Variants in LAMA5 observed in about 807,000 individuals in gnomAD.
The protein encoded by LAMA5 is laminin subunit alpha-5.
Under a neutral mutation model 433.4 loss-of-function variants are expected in LAMA5, and 260 were observed. The observed-to-expected ratio is 0.60, with a 90% confidence interval of 0.54 to 0.66. LAMA5 has a LOEUF of 0.66. LAMA5 is among the 30% of genes least tolerant of loss of function. The pLI, the probability that LAMA5 is intolerant of heterozygous loss-of-function variation, is 0.00. For missense variants in LAMA5, 5,378 were observed against 5,258.5 expected (o/e 1.02, Z -0.70); for synonymous variants, 2,620 against 2,226.6 (o/e 1.18, Z -4.97).
Position 62,352,026 on chromosome 20 carries a change from C to T in LAMA5, c.741G>A (p.Ser247=), listed in dbSNP as rs751722759. ...CCTTGGTGAACTCACGTAGCAGCGG[C>T]GAGTAGGAGAAATTCATGGCGCCCG... ...GRPGAMNFSY[S]PLLREFTKAT... is the part of the protein sequence containing the mutation. The change falls in exon 5 of 80, where the codon TCG becomes TCA. Residue 247 remains serine, a synonymous_variant. Coordinates refer to ENST00000252999, the MANE Select transcript of LAMA5 (RefSeq NM_005560.6). The T allele has an allele frequency of 5.0e-5, 80 of 1,612,526 alleles. No homozygotes were observed. Among genetic ancestry groups the T allele is most frequent in the Admixed American group, 1.3e-4 (8 of 59,996 alleles).
chr20:62,362,447 G>GGGACA lies in LAMA5; in HGVS notation c.398_402dup (p.Arg135CysfsTer103). 1 of 1,590,910 alleles carries GGGACA rather than the reference G, an allele frequency of 6.3e-7. No homozygotes were observed. Among genetic ancestry groups the GGGACA allele is most frequent in the Non-Finnish European group, 8.6e-7 (1 of 1,165,858 alleles). On this transcript the variant is annotated frameshift_variant, in exon 2 of 80. Transcript: ENST00000252999. LOFTEE classifies it high-confidence loss of function. ...TTGACCTCGTTGTACTCCAGGCCGC[G>GGGACA]GGACAGCGGTGGACTCTGCCACCAG...
At chr20:62,311,816 T>TTGGGGC in intron 70 of LAMA5, 32 bp from the exon 71 acceptor site, 21 of 1,520,840 alleles carry the variant, frequency 1.4e-5, no homozygotes, top group Non-Finnish European at 1.8e-5. Context: ...GCTCGGTTTT[T>TTGGGGC]CCCCACCCTG....
chr20:62,323,994 G>T, intron 43 of LAMA5, 86 bp downstream of exon 43: 1 of 1,425,162 alleles, frequency 7.0e-7, no homozygotes, highest in Non-Finnish European at 9.3e-7. Context: ...CCAGGCCTCT[G>T]CAGAGGGCAG....
At position 62,315,213 on chromosome 20, in the gene LAMA5, G is replaced by A. The variant is rs750031266; in HGVS notation, c.7868-6C>T. 5 of 1,598,882 alleles carry A rather than the reference G, an allele frequency of 3.1e-6. No homozygotes were observed. The African/African-American group carries it at 4.0e-5, about 13-fold the overall frequency. On this transcript the variant is annotated splice_region_variant and splice_polypyrimidine_tract_variant and intron_variant, in intron 58 of 79. Transcript: ENST00000252999. ...GATCTTCTTGCTTGTCTCGTCTGTG[G>A]TGGGCAGAGGGCAGGCTCAGCAGGG...
chr20:62,327,404 G>A lies in LAMA5; in HGVS notation c.4941C>T (p.Phe1647=), dbSNP rs113185894. The part of the protein sequence containing the change: ...CRSSSYTRQE[F]VDMEGWVLLS... ...GCAGCACCCATCCCTCCATATCCAC[G>A]AACTGTGGGCACACACGTGTGGCTG... The change falls in exon 38 of 80, where the codon TTC becomes TTT. Residue 1647 remains phenylalanine (F), a splice_region_variant and synonymous_variant. Transcript: ENST00000252999. 55 of 1,586,808 alleles carry A rather than the reference G, an allele frequency of 3.5e-5. No homozygotes were observed. The African/African-American group carries it at 4.2e-4, about 12-fold the overall frequency.
chr20:62,332,428 G>C lies in LAMA5; in HGVS notation c.3496C>G (p.His1166Asp), dbSNP rs985240216. The change falls in exon 28 of 80, where the codon CAC becomes GAC. Residue 1166 changes from histidine (H) to aspartate (D), a missense_variant. Transcript: ENST00000252999. Reference sequence around the variant, plus strand: ...CTCACGCTGGCCTCCGAGTCCAGGTGGAAGACAGCCAGGTGGTCCTGGGTA... The same window carrying C: ...CTCACGCTGGCCTCCGAGTCCAGGTCGAAGACAGCCAGGTGGTCCTGGGTA... Reference protein sequence around the residue: ...RDTQDHLAVFHLDSEASVRLT... With the variant: ...RDTQDHLAVFDLDSEASVRLT... The C allele has an allele frequency of 6.2e-7, 1 of 1,612,834 alleles. No homozygotes were observed. The highest frequency in any genetic ancestry group is 8.5e-7 in the Non-Finnish European group (1 of 1,179,972).
intron 45 of LAMA5, 76 bp from the exon 46 acceptor site, chr20:62,322,834 C>T (rs1978529406): frequency 1.2e-5 from 11 of 925,662 alleles, no homozygotes; most frequent in Non-Finnish European, 1.4e-5. Flanking sequence ...CTCCTAAGCC[C>T]TCACTTCACT....
At position 62,312,708 on chromosome 20, in the gene LAMA5, C is replaced by A. The variant is rs149010216; in HGVS notation, c.9151G>T (p.Val3051Leu). ...AGCTCCAGATCATTGTCCTGCTCCA[C>A]GCTGTACACCGTGGCCCGCTCCACA... ...VRVERATVYSVEQDNDLELAD... is the reference protein window; with the variant it reads ...VRVERATVYSLEQDNDLELAD... Residue 3051 changes from valine to leucine, a missense_variant, in exon 67 of 80, where the codon GTG (valine) becomes TTG (leucine). Transcript: ENST00000252999. 5.0e-6 allele frequency: 8 copies of A among 1,602,922 alleles called. No homozygotes were observed. In the African/African-American group the frequency reaches 9.4e-5, roughly 19 times the overall value.
rs541968080 is a variant in LAMA5 at position 62,333,825 on chromosome 20, C to T, written c.2878+76G>A. ...ACCCACATGAGCCAGAGGAAGGTGGCGGGGCTTGGGAGTGGGGTGGGGTGG... is the reference window on the plus strand; with the variant it reads ...ACCCACATGAGCCAGAGGAAGGTGGTGGGGCTTGGGAGTGGGGTGGGGTGG... On this transcript the variant is annotated intron_variant, in intron 23 of 79. Coordinates refer to ENST00000252999, the MANE Select transcript of LAMA5 (RefSeq NM_005560.6). 1.6e-5 allele frequency: 13 copies of T among 809,066 alleles called. No individual in the cohort carries two copies. In the African/African-American group the frequency reaches 4.6e-4, roughly 28 times the overall value. 50.1% of individuals were successfully genotyped at this position (809,066 alleles called of 1,614,324 possible). A position where few individuals can be genotyped will look rare whatever the true frequency, so the allele number is the denominator to read the frequency against.
Position 62,315,116 on chromosome 20 carries a change from C to A in LAMA5, c.7959G>T (p.Met2653Ile), listed in dbSNP as rs1050767676. 1.2e-6 allele frequency: 2 copies of A among 1,608,728 alleles called. No homozygotes were observed. Among genetic ancestry groups the A allele is most frequent in the Non-Finnish European group, 1.7e-6 (2 of 1,179,760 alleles). Reference sequence around the variant, plus strand: ...CCTGCCACCGCTCCACATTCTCCTGCATGGCCTGCAGCTGGGACTGCACAC... The same window carrying A: ...CCTGCCACCGCTCCACATTCTCCTGAATGGCCTGCAGCTGGGACTGCACAC... ...ATRVQSQLQA[M>I]QENVERWQGQ... The change falls in exon 59 of 80, where the codon ATG (methionine) becomes ATT (isoleucine). Residue 2653 changes from methionine to isoleucine, a missense_variant. Met to Ile is a conservative substitution (Grantham distance 10). Coordinates refer to ENST00000252999, the MANE Select transcript of LAMA5 (RefSeq NM_005560.6).
At chr20:62,341,622 G>T (rs1056101125) in intron 11 of LAMA5, among the ~76,000 whole-genome samples, 1 of 152,108 alleles carries the variant, frequency 6.6e-6, no homozygotes, top group African/African-American at 2.4e-5. Flanking sequence ...TGGGAATGAA[G>T]ACAGACTAAA....
At chr20:62,325,103 G>A (rs967809516) in intron 41 of LAMA5, 8 of 579,834 alleles carry the variant, frequency 1.4e-5, no homozygotes, top group Non-Finnish European at 2.4e-5. Context: ...GGCGGATGAG[G>A]GGCAGGCAGG....
intron 1 of LAMA5, among the ~76,000 whole-genome samples, chr20:62,365,634 C>T (rs1986635763): frequency 6.6e-6 from 1 of 152,174 alleles, no homozygotes; most frequent in Non-Finnish European, 1.5e-5. Context: ...AGTCACAGGC[C>T]CTCCGTCCTG....
Position 62,338,580 on chromosome 20 carries a change from C to T in LAMA5, c.1506G>A (p.Gln502=). ...VNCDCSAAGT[Q]GNACRKDPRV... ...TTGGGTCCTTCCGGCAGGCGTTGCCCTGGGTCCCTGCCGCGCTGCAGTCAC... is the reference window on the plus strand; with the variant it reads ...TTGGGTCCTTCCGGCAGGCGTTGCCTTGGGTCCCTGCCGCGCTGCAGTCAC... Residue 502 remains glutamine, a synonymous_variant, in exon 12 of 80, where the codon CAG becomes CAA. Transcript: ENST00000252999. 1 of 1,610,956 alleles carries T rather than the reference C, an allele frequency of 6.2e-7. No homozygotes were observed. The highest frequency in any genetic ancestry group is 8.5e-7 in the Non-Finnish European group (1 of 1,179,500).
chr20:62,337,772 G>C, intron 15 of LAMA5, 32 bp downstream of exon 15: 1 of 1,609,294 alleles, frequency 6.2e-7, no homozygotes, highest in East Asian at 2.2e-5. Flanking sequence ...GACTGCACCT[G>C]CCTCCCCACC....
At chr20:62,314,525 C>T (rs1367726355) in intron 61 of LAMA5, 30 bp downstream of exon 61, 10 of 1,605,040 alleles carry the variant, frequency 6.2e-6, no homozygotes, top group South Asian at 2.2e-5. Context: ...AGCCTGAGCT[C>T]GGGCCGCATC....
chr20:62,332,453 A>G lies in LAMA5; in HGVS notation c.3471T>C (p.Asp1157=), dbSNP rs1306355377. The G allele has an allele frequency of 6.2e-7, 1 of 1,612,520 alleles. No individual in the cohort carries two copies. The highest frequency in any genetic ancestry group is 1.3e-5 in the African/African-American group (1 of 74,930). Residue 1157 remains aspartate, a synonymous_variant, in exon 28 of 80, where the codon GAT becomes GAC. Coordinates refer to ENST00000252999, the MANE Select transcript of LAMA5 (RefSeq NM_005560.6). ...YSTLCRGTAR[D]TQDHLAVFHL... is the part of the protein sequence containing the mutation. ...GGAAGACAGCCAGGTGGTCCTGGGTATCCCGGGCAGTGCCCCGGCACAGGG... is the reference window on the plus strand; with the variant it reads ...GGAAGACAGCCAGGTGGTCCTGGGTGTCCCGGGCAGTGCCCCGGCACAGGG...
intron 57 of LAMA5, 173 bp from the exon 58 acceptor site, chr20:62,316,231 T>C: frequency 1.6e-6 from 1 of 610,522 alleles, no homozygotes; most frequent in East Asian, 2.8e-5. Flanking sequence ...AGTCTCAGCG[T>C]AGCCTCTGTT....
Position 62,316,692 on chromosome 20 carries a change from C to T in LAMA5, c.7735G>A (p.Glu2579Lys). 2 of 1,605,754 alleles carry T rather than the reference C, an allele frequency of 1.2e-6. No homozygotes were observed. Among genetic ancestry groups the T allele is most frequent in the Non-Finnish European group, 1.7e-6 (2 of 1,175,416 alleles). The change falls in exon 57 of 80, where the codon GAA becomes AAA. Residue 2579 changes from glutamate to lysine, a missense_variant. Transcript: ENST00000252999. ...STALEEAMLQ[E>K]QQRLGLVWAA... The stretch of plus-strand genomic sequence containing the variant: ...TCACCAAGGCCCAGCCTCTGCTGTT[C>T]CTGGAGCATGGCCTCTTCTAGTGCA...
Sources: allele counts gnomAD v4.1 joint callset (sites outside exome capture counted in the v4.1 genomes callset), GRCh38; gene constraint gnomAD v4.1.1; transcripts MANE v1.5; gene names NCBI Gene and HGNC (gene_info 2026-07-23, HGNC 2026-07-21).